Variants in RANBP17 observed in about 807,000 individuals in gnomAD.
RANBP17 encodes RAN binding protein 17, also known as ran-binding protein 17.
RANBP17 carries 158 observed loss-of-function variants against 141.2 expected under a neutral mutation model. The observed-to-expected ratio is 1.12, with a 90% CI of 0.98 to 1.28. RANBP17 has a LOEUF of 1.28. RANBP17 is among the 50% of genes most tolerant of loss of function. The pLI is 0.00. For synonymous variants in RANBP17, 430 were observed against 450.0 expected (o/e 0.96, Z 0.56); for missense variants, 1,438 against 1,290.7 (o/e 1.11, Z -1.75).
chr5:171,186,796 A>C (rs1761290765), intron 18 of RANBP17, among the ~76,000 whole-genome samples: 1 of 152,092 alleles, frequency 6.6e-6, no homozygotes, highest in East Asian at 1.9e-4. Context: ...TCGGCCTCCC[A>C]ACACTGGTAT....
At chr5:171,162,399 A>G (rs1326044090) in intron 14 of RANBP17, among the ~76,000 whole-genome samples, 1 of 152,126 alleles carries the variant, frequency 6.6e-6, no homozygotes, top group African/African-American at 2.4e-5. Flanking sequence ...TGGCTAGGGA[A>G]GGCCTGTCGG....
At chr5:171,270,512 G>A (rs763894811) in intron 25 of RANBP17, among the ~76,000 whole-genome samples, 2 of 152,126 alleles carry the variant, frequency 1.3e-5, no homozygotes, top group Non-Finnish European at 2.9e-5. Flanking sequence ...CTACTGATTA[G>A]TAGCAGATAA....
At chr5:171,247,488 A>T (rs961758548) in intron 24 of RANBP17, among the ~76,000 whole-genome samples, 1 of 152,222 alleles carries the variant, frequency 6.6e-6, no homozygotes, top group East Asian at 1.9e-4. Flanking sequence ...TGTTGCCTTG[A>T]TGGAAAAAAT....
intron 14 of RANBP17, chr5:171,158,382 T>A (rs2127849129): frequency 5.2e-6 from 1 of 190,984 alleles, no homozygotes; most frequent in South Asian, 1.9e-4. Context: ...ACTGAATAGA[T>A]GTGTTTAAGC....
intron 4 of RANBP17, among the ~76,000 whole-genome samples, chr5:170,894,484 T>TATATATATATATATA (rs1581075945): frequency 6.2e-5 from 1 of 16,028 alleles, no homozygotes; most frequent in Non-Finnish European, 1.5e-4. Context: ...AGTACGTGTT[T>TATATATATATATATA]TTTATATATA....
chr5:170,905,566 A>G (rs1395475627), intron 5 of RANBP17, among the ~76,000 whole-genome samples: 1 of 152,098 alleles, frequency 6.6e-6, no homozygotes, highest in African/African-American at 2.4e-5. Flanking sequence ...CACGGCCATC[A>G]CCTTCCTGAG....
At chr5:171,133,981 A>G (rs577248984) in intron 14 of RANBP17, among the ~76,000 whole-genome samples, 33 of 152,212 alleles carry the variant, frequency 2.2e-4, no homozygotes, top group African/African-American at 6.8e-4. Flanking sequence ...AAATGGTACC[A>G]TCTAAGATAA....
intron 12 of RANBP17, among the ~76,000 whole-genome samples, chr5:170,925,660 A>G (rs1772857612): frequency 6.6e-6 from 1 of 152,270 alleles, no homozygotes; most frequent in East Asian, 1.9e-4. Context: ...TTTCCTATCA[A>G]CAGAAAATAC....
chr5:170,946,798 G>A (rs1382457405), intron 12 of RANBP17, among the ~76,000 whole-genome samples: 1 of 152,046 alleles, frequency 6.6e-6, no homozygotes, highest in Non-Finnish European at 1.5e-5. Flanking sequence ...TAGGAACACT[G>A]CATAGCATTT....
At chr5:171,230,675 T>C (rs1416278827) in intron 22 of RANBP17, among the ~76,000 whole-genome samples, 1 of 152,066 alleles carries the variant, frequency 6.6e-6, no homozygotes, top group African/African-American at 2.4e-5. Context: ...GGCAGGAGAA[T>C]TGCTTGAACC....
chr5:171,061,663 T>A (rs1475030398), intron 14 of RANBP17, among the ~76,000 whole-genome samples: 1 of 152,192 alleles, frequency 6.6e-6, no homozygotes, highest in East Asian at 1.9e-4. Flanking sequence ...GAGAGTTCTG[T>A]AGGTGTCTAT....
At chr5:170,970,385 A>G (rs1487545157) in intron 14 of RANBP17, 5 of 152,094 alleles carry the variant, frequency 3.3e-5, no homozygotes, top group Non-Finnish European at 7.4e-5. Flanking sequence ...CATGTAGAGT[A>G]TGACTTCAAG....
Position 171,247,068 on chromosome 5 carries a change from C to A in RANBP17, c.2776+4248C>A, listed in dbSNP as rs968987619. ...ATTAGATAATATTATTTTCATTATA[C>A]AGATGAGGTAAGCTGTGGCTCAGAG... On this transcript the variant is annotated intron_variant, in intron 24 of 27. Coordinates refer to ENST00000523189, the MANE Select transcript of RANBP17 (RefSeq NM_022897.5). Among the ~76,000 whole-genome samples, 7 of 152,250 alleles carry A rather than the reference C, an allele frequency of 4.6e-5. No homozygotes were observed. The South Asian group carries it at 1.4e-3, about 32-fold the overall frequency.
At position 171,102,063 on chromosome 5, in the gene RANBP17, A is replaced by T. The variant is rs553868719; in HGVS notation, c.1711-68067A>T. 3.7e-3 allele frequency among the ~76,000 whole-genome samples: 557 copies of T among 152,186 alleles called. 6 individuals carry two copies. Among genetic ancestry groups the T allele is most frequent in the African/African-American group, 0.013 (532 of 41,514 alleles). On this transcript the variant is annotated intron_variant, in intron 14 of 27. Coordinates refer to ENST00000523189, the MANE Select transcript of RANBP17 (RefSeq NM_022897.5). ...TTCAACCTTGGAGAATCTGATGATT[A>T]TGTGTCTTGGGGTTGCTCTTCTCAA...
intron 12 of RANBP17, among the ~76,000 whole-genome samples, chr5:170,939,628 T>G (rs1334427131): frequency 6.6e-6 from 1 of 152,020 alleles, no homozygotes; most frequent in Non-Finnish European, 1.5e-5. Flanking sequence ...TCAAGTGATC[T>G]GCCCACCTCG....
intron 14 of RANBP17, among the ~76,000 whole-genome samples, chr5:171,049,384 A>G (rs1161377714): frequency 6.6e-6 from 1 of 152,170 alleles, no homozygotes; most frequent in African/African-American, 2.4e-5. Flanking sequence ...TGTTGGATGC[A>G]TAGTTTGCAT....
intron 21 of RANBP17, among the ~76,000 whole-genome samples, chr5:171,218,100 C>A (rs149814229): frequency 1.3e-5 from 2 of 152,144 alleles, no homozygotes; most frequent in Non-Finnish European, 2.9e-5. Context: ...TCTTTGTTCT[C>A]ATTGGTTTTA....
At chr5:171,263,103 TTTAA>T (rs777441958) in intron 24 of RANBP17, among the ~76,000 whole-genome samples, 6 of 152,250 alleles carry the variant, frequency 3.9e-5, no homozygotes, top group Non-Finnish European at 5.9e-5. Flanking sequence ...CTACTCATTC[TTTAA>T]TTAATTCTGC....
rs1437482589 is a variant in RANBP17 at position 171,277,637 on chromosome 5, G to GTGTGTATATATATATATATA, written c.2943+11791_2943+11792insGTGTATATATATATATATAT. Among the ~76,000 whole-genome samples the GTGTGTATATATATATATATA allele has an allele frequency of 2.2e-3, 128 of 56,910 alleles. 7 individuals carry two copies. The highest frequency in any genetic ancestry group is 3.8e-3 in the Admixed American group (14 of 3,728). The allele number at this position is 56,910 out of a possible 152,430, so 37.3% of individuals were successfully genotyped here. A position where few individuals can be genotyped will look rare whatever the true frequency, so the allele number is the denominator to read the frequency against. ...GTGCCTTACGTATACATATATGTAT[G>GTGTGTATATATATATATATA]TATATATATATATATATATATATAT... On this transcript the variant is annotated intron_variant, in intron 25 of 27. Coordinates refer to ENST00000523189, the MANE Select transcript of RANBP17 (RefSeq NM_022897.5).
Sources: allele counts gnomAD v4.1 joint callset (sites outside exome capture counted in the v4.1 genomes callset), GRCh38; gene constraint gnomAD v4.1.1; transcripts MANE v1.5; gene names NCBI Gene and HGNC (gene_info 2026-07-23, HGNC 2026-07-21).